FCHSD2: variants seen among roughly 807,000 people sequenced by gnomAD.
FCHSD2 encodes FCH and double SH3 domains 2, also known as F-BAR and double SH3 domains protein 2.
In FCHSD2, 38 loss-of-function variants were observed where a neutral mutation model predicts 108.1. The ratio of observed to expected loss-of-function variants is 0.35; its 90% CI spans 0.27 to 0.46. The LOEUF is 0.46. Among genes scored for constraint, FCHSD2 ranks in the 20% least tolerant of loss-of-function variants. The pLI is 1.00. For synonymous variants in FCHSD2, 279 were observed against 314.7 expected, an observed-to-expected ratio of 0.89 and a Z score of 1.20; for missense variants, 751 against 897.8, an observed-to-expected ratio of 0.84 and a Z score of 2.09.
At position 72,919,468 on chromosome 11, in the gene FCHSD2, T is replaced by C. The variant is rs115167696; in HGVS notation, c.828+2360A>G. Among the ~76,000 whole-genome samples, 788 of 152,294 alleles carry C rather than the reference T, an allele frequency of 5.2e-3. 5 individuals carry two copies. Among genetic ancestry groups the C allele is most frequent in the African/African-American group, 0.018 (766 of 41,568 alleles). ...ATAATACAAGCTAAAGAGAATATAGTAGAAGATCATGGAAAGCACTATGTG... is the reference window on the plus strand; with the variant it reads ...ATAATACAAGCTAAAGAGAATATAGCAGAAGATCATGGAAAGCACTATGTG... On this transcript the variant is annotated intron_variant, in intron 9 of 19. Transcript: ENST00000409418.
intron 3 of FCHSD2, among the ~76,000 whole-genome samples, chr11:73,037,176 A>G (rs1858517688): frequency 6.6e-6 from 1 of 152,204 alleles, no homozygotes; most frequent in Non-Finnish European, 1.5e-5. Context: ...AGAAAGGTAC[A>G]GAGAGTTCCC....
At chr11:72,970,445 T>C (rs1856987090) in intron 8 of FCHSD2, among the ~76,000 whole-genome samples, 1 of 152,206 alleles carries the variant, frequency 6.6e-6, no homozygotes, top group Admixed American at 6.5e-5. Flanking sequence ...AGATAACAAA[T>C]AATCATGTGT....
At chr11:72,959,375 G>A (rs1383278459) in intron 8 of FCHSD2, among the ~76,000 whole-genome samples, 5 of 149,968 alleles carry the variant, frequency 3.3e-5, no homozygotes, top group Admixed American at 6.6e-5. Flanking sequence ...GACTACAGGC[G>A]CCCGCCACCA....
rs114327330 is a variant in FCHSD2, at chr11:73,072,066, G to A, written c.165+11629C>T. 9.8e-3 allele frequency among the ~76,000 whole-genome samples: 1,489 copies of A among 151,762 alleles called. 32 individuals are homozygous for A. The highest frequency in any genetic ancestry group is 0.034 in the African/African-American group (1,413 of 41,320). On this transcript the variant is annotated intron_variant, in intron 3 of 19. Coordinates refer to ENST00000409418, the MANE Select transcript of FCHSD2 (RefSeq NM_014824.3). ...GGGACCAGGTAAACAACAAATGAGT[G>A]AAGACATACGCAGACCACTATGTCC...
At chr11:72,965,821 T>A (rs1856896586) in intron 8 of FCHSD2, among the ~76,000 whole-genome samples, 2 of 152,340 alleles carry the variant, frequency 1.3e-5, no homozygotes, top group African/African-American at 4.8e-5. Flanking sequence ...TCTCTTGTGA[T>A]AAGATTCTGT....
chr11:72,883,616 C>T (rs1345952721), intron 12 of FCHSD2, among the ~76,000 whole-genome samples: 3 of 152,174 alleles, frequency 2.0e-5, no homozygotes, highest in Non-Finnish European at 4.4e-5. Context: ...CCATTACACA[C>T]ATACTCAAAT....
chr11:73,099,134 G>A (rs567983893), intron 2 of FCHSD2, among the ~76,000 whole-genome samples: 59 of 152,166 alleles, frequency 3.9e-4, no homozygotes, highest in Middle Eastern at 3.4e-3. Context: ...AAGAATCACC[G>A]AGCCCAGGCG....
intron 6 of FCHSD2, 60 bp downstream of exon 6, chr11:72,988,904 T>C: frequency 6.9e-7 from 1 of 1,447,282 alleles, no homozygotes; most frequent in Non-Finnish European, 9.4e-7. Flanking sequence ...GAGAACAAAC[T>C]ATTAGCAACA....
At chr11:73,100,702 G>A (rs1860203542) in intron 2 of FCHSD2, among the ~76,000 whole-genome samples, 1 of 152,066 alleles carries the variant, frequency 6.6e-6, no homozygotes, top group Admixed American at 6.6e-5. Flanking sequence ...CAGTCCTTAG[G>A]TAGGCAGAAA....
chr11:72,976,430 T>G (rs1390553546), intron 8 of FCHSD2, among the ~76,000 whole-genome samples: 1 of 152,096 alleles, frequency 6.6e-6, no homozygotes, highest in African/African-American at 2.4e-5. Flanking sequence ...TAGCTGGGAC[T>G]ACAAGCACGT....
chr11:73,138,570 AC>A (rs1861175578), intron 2 of FCHSD2, among the ~76,000 whole-genome samples: 1 of 151,794 alleles, frequency 6.6e-6, no homozygotes, highest in South Asian at 2.1e-4. Flanking sequence ...TACATTTTTA[AC>A]CATGTCAAGA....
intron 8 of FCHSD2, chr11:72,940,647 AC>A: frequency 2.8e-6 from 4 of 1,432,760 alleles, no homozygotes; most frequent in Non-Finnish European, 3.9e-6. Flanking sequence ...AAGCGCGCCG[AC>A]CAGGCTGCAA....
intron 8 of FCHSD2, chr11:72,940,958 C>A: frequency 1.3e-6 from 1 of 762,656 alleles, no homozygotes; most frequent in African/African-American, 1.7e-5. Flanking sequence ...ATCACCAAAG[C>A]AGTCTATAAG....
chr11:73,131,485 C>T (rs551528767), intron 2 of FCHSD2, among the ~76,000 whole-genome samples: 2 of 151,862 alleles, frequency 1.3e-5, no homozygotes, highest in African/African-American at 2.4e-5. Context: ...GCCAAGATAG[C>T]GCCACTGCAC....
intron 12 of FCHSD2, among the ~76,000 whole-genome samples, chr11:72,882,696 A>G (rs1022161062): frequency 6.6e-6 from 1 of 152,188 alleles, no homozygotes; most frequent in Non-Finnish European, 1.5e-5. Context: ...TAAGAAGCCA[A>G]AAAAGGAAAC....
At chr11:72,962,868 C>T (rs947599538) in intron 8 of FCHSD2, among the ~76,000 whole-genome samples, 8 of 152,040 alleles carry the variant, frequency 5.3e-5, no homozygotes, top group African/African-American at 1.9e-4. Flanking sequence ...ATCTTGATTT[C>T]AGCAGGCATC....
chr11:73,077,088 ACTCTGTCTC>A, intron 3 of FCHSD2, among the ~76,000 whole-genome samples: 1 of 138,822 alleles, frequency 7.2e-6, no homozygotes. Context: ...CCAGCCTGAG[ACTCTGTCTC>A]AAAAAAAAAA....
chr11:72,993,258 A>G (rs1161727047), intron 5 of FCHSD2, among the ~76,000 whole-genome samples: 1 of 152,206 alleles, frequency 6.6e-6, no homozygotes, highest in African/African-American at 2.4e-5. Context: ...GTCAGGAAAC[A>G]ACAGGTGCTG....
intron 10 of FCHSD2, 132 bp downstream of exon 10, chr11:72,902,411 G>T: frequency 1.9e-6 from 1 of 532,268 alleles, no homozygotes. Context: ...ATTATTCTGT[G>T]TCCTCACAGT....
Sources: gnomAD v4.1 joint callset for allele counts (sites outside exome capture counted in the v4.1 genomes callset) on GRCh38, gnomAD v4.1.1 for gene constraint, MANE v1.5 for transcripts, NCBI Gene and HGNC (gene_info 2026-07-23, HGNC 2026-07-21) for gene names.